The following IFI44L variants were observed in gnomAD, a reference collection of about 807,000 sequenced individuals.
IFI44L encodes interferon induced protein 44 like, also known as interferon-induced protein 44-like.
In IFI44L, 40 loss-of-function variants were observed where a neutral mutation model predicts 39.3. The ratio of observed to expected loss-of-function variants is 1.02; its 90% confidence interval spans 0.79 to 1.33. The LOEUF is 1.33. IFI44L is among the 40% of genes most tolerant of loss of function. The pLI is 0.00. For missense variants in IFI44L, 623 were observed against 549.0 expected, an observed-to-expected ratio of 1.13 and a Z score of -1.35; for synonymous variants, 198 against 182.3, an observed-to-expected ratio of 1.09 and a Z score of -0.69.
chr1:78,633,787 G>A (rs1212736890), intron 4 of IFI44L, among the ~76,000 whole-genome samples: 1 of 152,090 alleles, frequency 6.6e-6, no homozygotes, highest in Non-Finnish European at 1.5e-5. Flanking sequence ...TTATTTTAAG[G>A]AAGCACAGCA....
At chr1:78,628,842 C>A in intron 2 of IFI44L, 109 bp from the exon 3 acceptor site, 1 of 717,812 alleles carries the variant, frequency 1.4e-6, no homozygotes, top group South Asian at 1.7e-5. Flanking sequence ...CTGAGCAGCT[C>A]AGCCCTGGGT....
At position 78,643,930 on chromosome 1, in the gene IFI44L, T is replaced by C. The variant is rs166642; in HGVS notation, c.*2121T>C. 126,363 of 152,106 alleles carry C rather than the reference T, an allele frequency of 0.83. 53,340 individuals are homozygous for C. Among genetic ancestry groups the C allele is most frequent in the East Asian group, 0.99 (5,105 of 5,182 alleles). 9.4% of individuals were successfully genotyped at this position (152,106 alleles called of 1,614,324 possible). ...ACAGGGAATTGGCTTAAAGGGCAAG[T>C]TGGTTAGTACTTAGCTGTGTTTTTA... is the stretch of plus-strand genomic sequence containing the variant. On this transcript the variant is annotated 3_prime_UTR_variant, in exon 9 of 9. Transcript: ENST00000370751.
At chr1:78,633,299 G>A (rs1260960896) in intron 4 of IFI44L, among the ~76,000 whole-genome samples, 2 of 152,164 alleles carry the variant, frequency 1.3e-5, no homozygotes, top group Admixed American at 6.5e-5. Context: ...CATGGCCCCA[G>A]ACTTTAGGCT....
At chr1:78,623,389 G>GTTTTTTT (rs1222507453) in intron 1 of IFI44L, among the ~76,000 whole-genome samples, 10 of 19,944 alleles carry the variant, frequency 5.0e-4, no homozygotes, top group African/African-American at 1.1e-3. Flanking sequence ...TGGTTTAAGT[G>GTTTTTTT]TTTTTTGTTT....
At chr1:78,628,845 C>T (rs1652605513) in intron 2 of IFI44L, 106 bp from the exon 3 acceptor site, 5 of 749,944 alleles carry the variant, frequency 6.7e-6, no homozygotes, top group South Asian at 6.4e-5. Flanking sequence ...AGCAGCTCAG[C>T]CCTGGGTTAT....
chr1:78,626,742 A>G (rs552860355), intron 1 of IFI44L: 1 of 151,998 alleles, frequency 6.6e-6, no homozygotes, highest in South Asian at 2.1e-4. Flanking sequence ...ACGTGGATGA[A>G]TTATATAGTG....
intron 1 of IFI44L, among the ~76,000 whole-genome samples, chr1:78,623,389 GTTTTTTGTTTTTTTTTT>G (rs1390457611): frequency 5.0e-4 from 10 of 19,950 alleles, no homozygotes; most frequent in Admixed American, 1.4e-3. Context: ...TGGTTTAAGT[GTTTTTTGTTTTTTTTTT>G]TTTTTTTTTT....
chr1:78,626,715 A>T (rs1035200572), intron 1 of IFI44L: 1 of 151,946 alleles, frequency 6.6e-6, no homozygotes, highest in African/African-American at 2.4e-5. Context: ...CATTTGGAGT[A>T]TAAGTGGTTT....
rs1176682793 is a variant in IFI44L, at chr1:78,641,349, G to T, written c.1150-86G>T. On this transcript the variant is annotated intron_variant, in intron 7 of 8. Transcript: ENST00000370751. The stretch of plus-strand genomic sequence containing the variant: ...TAACTTATTAAGCCATTGCTTTTTT[G>T]GTTTCTTTCTTAAATTGTATTTAAA... The T allele has an allele frequency of 3.7e-5, 46 of 1,247,808 alleles. No homozygotes were observed. The Admixed American group carries it at 3.8e-4, about 10-fold the overall frequency. 77.3% of individuals were successfully genotyped at this position (1,247,808 alleles called of 1,614,324 possible).
chr1:78,621,340 C>T lies in IFI44L; in HGVS notation c.-11+769C>T, dbSNP rs60524760. Among the ~76,000 whole-genome samples the T allele has an allele frequency of 1.3e-3, 192 of 152,256 alleles. 1 individual carries two copies. Among genetic ancestry groups the T allele is most frequent in the African/African-American group, 4.2e-3 (174 of 41,556 alleles). ...AGGCTGGAGAGCAGTGTCTCGATGT[C>T]GGCTCACTGCAACCTCAGCCTCCTG... On this transcript the variant is annotated intron_variant, in intron 1 of 8. Transcript: ENST00000370751.
chr1:78,623,615 GC>G (rs1652370326), intron 1 of IFI44L, among the ~76,000 whole-genome samples: 1 of 152,072 alleles, frequency 6.6e-6, no homozygotes, highest in South Asian at 2.1e-4. Flanking sequence ...CTCACTATCT[GC>G]CACCTGCCAG....
chr1:78,635,427 G>T lies in IFI44L; in HGVS notation c.814G>T (p.Ala272Ser). The T allele has an allele frequency of 6.2e-7, 1 of 1,613,660 alleles. No individual in the cohort carries two copies. The highest frequency in any genetic ancestry group is 8.5e-7 in the Non-Finnish European group (1 of 1,179,700). Reference sequence around the variant, plus strand: ...TATGGGGCTAGATGGGGCAGAAGGAGCAGGACTGTGCATGGATGACATTCC... The same window carrying T: ...TATGGGGCTAGATGGGGCAGAAGGATCAGGACTGTGCATGGATGACATTCC... ...DTMGLDGAEGAGLCMDDIPHI... is the reference protein window; with the variant it reads ...DTMGLDGAEGSGLCMDDIPHI... The change falls in exon 5 of 9, where the codon GCA becomes TCA. Residue 272 changes from alanine (A) to serine (S), a missense_variant. Ala to Ser is a moderately conservative substitution (Grantham distance 99, BLOSUM62 1). Transcript: ENST00000370751.
intron 1 of IFI44L, chr1:78,625,971 T>C (rs999890129): frequency 1.3e-5 from 2 of 151,910 alleles, no homozygotes; most frequent in African/African-American, 2.4e-5. Context: ...ATATACTGTC[T>C]GTTCAATATT....
Position 78,629,717 on chromosome 1 carries a change from CA to C in IFI44L, c.528-2del. 6.2e-7 allele frequency: 1 copy of C among 1,603,494 alleles called. No homozygotes were observed. Among genetic ancestry groups the C allele is most frequent in the Non-Finnish European group, 8.5e-7 (1 of 1,174,742 alleles). The stretch of plus-strand genomic sequence containing the variant: ...GCTGTATTTAACCACTATATTTTAA[CA>C]GGCACAGAAATAGGCTTCTAGCAGA... On this transcript the variant is annotated splice_acceptor_variant, in intron 3 of 8. Transcript: ENST00000370751. LOFTEE classifies it high-confidence loss of function.
At chr1:78,640,756 A>T (rs1045450336) in intron 6 of IFI44L, among the ~76,000 whole-genome samples, 9 of 152,108 alleles carry the variant, frequency 5.9e-5, no homozygotes, top group Admixed American at 2.0e-4. Context: ...CCAATTTAAA[A>T]CAAACCATTT....
chr1:78,628,540 G>T, intron 2 of IFI44L, 147 bp downstream of exon 2: 1 of 621,870 alleles, frequency 1.6e-6, no homozygotes. Context: ...AATGAAACGT[G>T]GGGAACATAA....
chr1:78,632,637 T>C (rs1652795881), intron 4 of IFI44L, among the ~76,000 whole-genome samples: 1 of 152,166 alleles, frequency 6.6e-6, no homozygotes, highest in Non-Finnish European at 1.5e-5. Flanking sequence ...TATATTACAT[T>C]GAGGAATATT....
chr1:78,643,026 C>T lies in IFI44L; in HGVS notation c.*1217C>T, dbSNP rs1397580481. 6.6e-6 allele frequency: 1 copy of T among 151,854 alleles called. No homozygotes were observed. Among genetic ancestry groups the T allele is most frequent in the African/African-American group, 2.4e-5 (1 of 41,374 alleles). The allele number at this position is 151,854 out of a possible 1,614,324, so 9.4% of individuals were successfully genotyped here. ...TTAAAGACTTCCTAATTCTCTTCTC[C>T]AAATTCTTAGTCTTCTTCAAAATAA... On this transcript the variant is annotated 3_prime_UTR_variant, in exon 9 of 9. Coordinates refer to ENST00000370751, the MANE Select transcript of IFI44L (RefSeq NM_006820.4).
At chr1:78,626,784 TCAAGTAG>T (rs2100479291) in intron 1 of IFI44L, 1 of 152,052 alleles carries the variant, frequency 6.6e-6, no homozygotes, top group Admixed American at 6.6e-5. Flanking sequence ...CATCCATCAC[TCAAGTAG>T]TGTACATTGT....
Sources: gnomAD v4.1 joint callset for allele counts (sites outside exome capture counted in the v4.1 genomes callset) on GRCh38, gnomAD v4.1.1 for gene constraint, MANE v1.5 for transcripts, NCBI Gene and HGNC (gene_info 2026-07-23, HGNC 2026-07-21) for gene names.